The following HECW1 variants were observed in gnomAD, a reference collection of about 807,000 sequenced individuals.
HECW1 encodes the protein E3 ubiquitin-protein ligase HECW1.
Under a neutral mutation model 182.3 loss-of-function variants are expected in HECW1, and 61 were observed. That is an observed-to-expected ratio of 0.33 (90% confidence interval 0.27 to 0.41). The LOEUF is 0.41. HECW1 is among the 10% of genes least tolerant of loss of function. The pLI is 1.00. For synonymous variants in HECW1, 859 were observed against 832.6 expected, an observed-to-expected ratio of 1.03 and a Z score of -0.55; for missense variants, 1,739 against 2,108.9, an observed-to-expected ratio of 0.82 and a Z score of 3.44.
Position 43,311,808 on chromosome 7 carries a change from CCTT to C in HECW1, c.76_78del (p.Ser26del), listed in dbSNP as rs1451612316. On this transcript the variant is annotated inframe_deletion, in exon 4 of 30. Transcript: ENST00000395891. The stretch of plus-strand genomic sequence containing the variant: ...TTTAGGCCTGGCCGCCATGGCGTCT[CCTT>C]CTAGAAACTCCCAGAGCCGACGCCG... 4.3e-6 allele frequency: 7 copies of C among 1,614,160 alleles called. No individual in the cohort carries two copies. Among genetic ancestry groups the C allele is most frequent in the African/African-American group, 4.0e-5 (3 of 75,070 alleles).
intron 2 of HECW1, among the ~76,000 whole-genome samples, chr7:43,224,597 A>T (rs746560818): frequency 6.6e-6 from 1 of 152,176 alleles, no homozygotes; most frequent in Non-Finnish European, 1.5e-5. Flanking sequence ...GAGGTGGGCA[A>T]TTGCTCGAGC....
intron 6 of HECW1, among the ~76,000 whole-genome samples, chr7:43,385,997 G>A (rs1343327606): frequency 1.3e-5 from 2 of 152,208 alleles, no homozygotes; most frequent in Non-Finnish European, 2.9e-5. Context: ...GTTGTTGGCA[G>A]AATTCAGTTC....
intron 2 of HECW1, among the ~76,000 whole-genome samples, chr7:43,149,025 C>G (rs1458334217): frequency 6.6e-6 from 1 of 151,978 alleles, no homozygotes; most frequent in Non-Finnish European, 1.5e-5. Flanking sequence ...TAAGGAAATA[C>G]AAAATTACCA....
chr7:43,267,227 T>C (rs1801900288), intron 3 of HECW1, among the ~76,000 whole-genome samples: 1 of 152,160 alleles, frequency 6.6e-6, no homozygotes, highest in African/African-American at 2.4e-5. Context: ...AATATACTAC[T>C]GGGGCATGAG....
intron 21 of HECW1, among the ~76,000 whole-genome samples, chr7:43,503,826 G>A (rs1021456939): frequency 2.6e-5 from 4 of 152,266 alleles, no homozygotes; most frequent in Middle Eastern, 3.4e-3. Context: ...TAGTACCAGC[G>A]GTAGTGAAAA....
chr7:43,141,620 A>C (rs56069834), intron 2 of HECW1, among the ~76,000 whole-genome samples: 68,148 of 151,820 alleles, frequency 0.45, 15,406 homozygotes, highest in African/African-American at 0.46. Flanking sequence ...TGCCTCAAGC[A>C]TCCTGAGTAG....
chr7:43,216,354 C>T (rs1428406934), intron 2 of HECW1, among the ~76,000 whole-genome samples: 1 of 152,078 alleles, frequency 6.6e-6, no homozygotes, highest in Non-Finnish European at 1.5e-5. Context: ...CCATATTGGC[C>T]AGGCTGATCT....
rs763171223 is a variant in HECW1 at position 43,444,921 on chromosome 7, C to G, written c.1749C>G (p.Asp583Glu). 1.3e-6 allele frequency: 2 copies of G among 1,595,674 alleles called. No individual in the cohort carries two copies. Among genetic ancestry groups the G allele is most frequent in the Non-Finnish European group, 1.7e-6 (2 of 1,170,082 alleles). ...GCGGCAGCGCGGCAGAGGAGGAGGA[C>G]GGCGCGGAGGAGGAGTCCACCCTCA... Reference protein sequence around the residue: ...AQGGSAAEEEDGAEEESTLKD... With the variant: ...AQGGSAAEEEEGAEEESTLKD... Residue 583 changes from aspartate (D) to glutamate (E), a missense_variant, in exon 11 of 30, where the codon GAC (aspartate) becomes GAG (glutamate). Transcript: ENST00000395891. The surrounding 1 kb of genome is among the most constrained non-coding windows in gnomAD (Gnocchi z 4.3).
intron 6 of HECW1, among the ~76,000 whole-genome samples, chr7:43,392,196 C>T (rs757302579): frequency 1.3e-5 from 2 of 152,234 alleles, no homozygotes; most frequent in Non-Finnish European, 2.9e-5. Flanking sequence ...ATTTTAATCT[C>T]TGCCTCATTG....
intron 3 of HECW1, among the ~76,000 whole-genome samples, chr7:43,277,054 G>T (rs1453665972): frequency 1.3e-5 from 2 of 152,160 alleles, no homozygotes; most frequent in African/African-American, 2.4e-5. Context: ...GGGCTCTTTG[G>T]TCTCCTCCTT....
chr7:43,486,163 C>T (rs554737939), intron 17 of HECW1, among the ~76,000 whole-genome samples: 33 of 152,280 alleles, frequency 2.2e-4, no homozygotes, highest in African/African-American at 7.9e-4. Flanking sequence ...CCAGTTTCAT[C>T]CATTTCATCC....
At chr7:43,281,327 C>G (rs759557949) in intron 3 of HECW1, among the ~76,000 whole-genome samples, 8 of 152,162 alleles carry the variant, frequency 5.3e-5, no homozygotes, top group Non-Finnish European at 8.8e-5. Context: ...TTGCACCAGG[C>G]TCTCCACAGC....
chr7:43,479,645 T>A lies in HECW1; in HGVS notation c.3135T>A (p.Thr1045=). 3 of 1,614,062 alleles carry A rather than the reference T, an allele frequency of 1.9e-6. No homozygotes were observed. In the South Asian group the frequency reaches 3.3e-5, roughly 18 times the overall value. The change falls in exon 17 of 30, where the codon ACT becomes ACA. Residue 1045 remains threonine, a synonymous_variant. Transcript: ENST00000395891. ...TGGACCACAACAGTCGAGCTACCAC[T>A]TTCATTGACCCCCGAATCCCTCTTC... The part of the protein sequence containing the change: ...FFVDHNSRAT[T]FIDPRIPLQN...
chr7:43,534,552 C>A lies in HECW1; in HGVS notation c.4020-6611C>A, dbSNP rs536284631. On this transcript the variant is annotated intron_variant, in intron 24 of 29. Transcript: ENST00000395891. ...TCTGCAGTTTGTGCTTTCTGTCCAT[C>A]TTCCTGGGTAGAGACCTACTGCAGC... 1.2e-4 allele frequency among the ~76,000 whole-genome samples: 18 copies of A among 152,336 alleles called. No homozygotes were observed. In the South Asian group the frequency reaches 1.4e-3, roughly 12 times the overall value.
At chr7:43,233,327 A>G (rs1393944381) in intron 2 of HECW1, among the ~76,000 whole-genome samples, 1 of 152,214 alleles carries the variant, frequency 6.6e-6, no homozygotes, top group Non-Finnish European at 1.5e-5. Flanking sequence ...TGGTAAAGAC[A>G]AGAGTTGACC....
At chr7:43,116,269 A>T (rs1184401224) in intron 2 of HECW1, among the ~76,000 whole-genome samples, 3 of 152,072 alleles carry the variant, frequency 2.0e-5, no homozygotes, top group African/African-American at 7.2e-5. Flanking sequence ...ATTTTGACAA[A>T]ATTTATCTGA....
chr7:43,361,231 C>G (rs1467978769), intron 6 of HECW1, among the ~76,000 whole-genome samples: 1 of 152,120 alleles, frequency 6.6e-6, no homozygotes, highest in Non-Finnish European at 1.5e-5. Context: ...AGGGAGGAGC[C>G]AAGCTTCTTT....
intron 2 of HECW1, among the ~76,000 whole-genome samples, chr7:43,145,735 A>T (rs1005823200): frequency 1.3e-5 from 2 of 152,182 alleles, no homozygotes; most frequent in African/African-American, 4.8e-5. Flanking sequence ...CCCAAGTGTT[A>T]TCCAGAGGAT....
At chr7:43,144,507 T>C (rs757953017) in intron 2 of HECW1, among the ~76,000 whole-genome samples, 6 of 152,186 alleles carry the variant, frequency 3.9e-5, no homozygotes, top group East Asian at 3.8e-4. Context: ...TTCTCCCCCA[T>C]TGATTAGTTT....
Sources: gnomAD v4.1 joint callset for allele counts (sites outside exome capture counted in the v4.1 genomes callset) on GRCh38, gnomAD v4.1.1 for gene constraint, Gnocchi (gnomAD v3.1) non-coding constraint, MANE v1.5 for transcripts, NCBI Gene and HGNC (gene_info 2026-07-23, HGNC 2026-07-21) for gene names.